The following NELL1 variants were observed in gnomAD, a reference collection of about 807,000 sequenced individuals.
NELL1 encodes protein kinase C-binding protein NELL1.
A neutral mutation model predicts 107.4 loss-of-function variants in NELL1; 76 were observed. That is an observed-to-expected ratio of 0.71 (90% confidence interval 0.59 to 0.86). NELL1 has a LOEUF of 0.86. NELL1 is among the 40% of genes least tolerant of loss of function. The probability of loss-of-function intolerance (pLI) is 0.00; values close to 1 mark genes in which losing one functional copy is unlikely to be tolerated. For missense variants in NELL1, 1,024 were observed against 1,005.5 expected (o/e 1.02, Z -0.25); for synonymous variants, 353 against 341.2 (o/e 1.03, Z -0.38).
intron 5 of NELL1, among the ~76,000 whole-genome samples, chr11:20,888,837 G>A (rs900180053): frequency 1.3e-5 from 2 of 152,186 alleles, no homozygotes; most frequent in Admixed American, 1.3e-4. Context: ...TTGGCTGGCT[G>A]TTGACTCTTG....
intron 14 of NELL1, among the ~76,000 whole-genome samples, chr11:21,357,125 T>C (rs1248352979): frequency 2.0e-5 from 3 of 152,202 alleles, no homozygotes; most frequent in Non-Finnish European, 4.4e-5. Context: ...TGTGCGCAGG[T>C]GTCTTTTTCA....
At chr11:21,520,515 G>A (rs1158739192) in intron 15 of NELL1, among the ~76,000 whole-genome samples, 2 of 152,144 alleles carry the variant, frequency 1.3e-5, no homozygotes, top group Non-Finnish European at 2.9e-5. Flanking sequence ...TATAGGGGTG[G>A]TAATATGATG....
chr11:20,801,850 A>G (rs1343018932), intron 3 of NELL1, among the ~76,000 whole-genome samples: 1 of 152,104 alleles, frequency 6.6e-6, no homozygotes, highest in Non-Finnish European at 1.5e-5. Context: ...TTTCTTTCCC[A>G]AATGCATGTT....
At chr11:20,781,041 A>G (rs1340601807) in intron 2 of NELL1, among the ~76,000 whole-genome samples, 1 of 152,192 alleles carries the variant, frequency 6.6e-6, no homozygotes, top group Non-Finnish European at 1.5e-5. Flanking sequence ...CGTTAACTAC[A>G]GTGTGAAGAA....
chr11:21,274,099 C>G (rs900999088), intron 14 of NELL1, among the ~76,000 whole-genome samples: 16 of 152,204 alleles, frequency 1.1e-4, no homozygotes, highest in African/African-American at 2.9e-4. Flanking sequence ...TTAAAAGACT[C>G]AGACTGGCAA....
intron 2 of NELL1, among the ~76,000 whole-genome samples, chr11:20,685,288 T>G (rs1372536413): frequency 6.6e-6 from 1 of 152,072 alleles, no homozygotes; most frequent in African/African-American, 2.4e-5. Context: ...AACTGTAGTT[T>G]CATCAAATAT....
intron 15 of NELL1, among the ~76,000 whole-genome samples, chr11:21,520,468 G>A (rs1020728739): frequency 2.0e-5 from 3 of 152,098 alleles, no homozygotes; most frequent in Non-Finnish European, 4.4e-5. Flanking sequence ...TGTTTGCCTA[G>A]AACATCTGGA....
At chr11:20,897,503 A>G (rs1332400243) in intron 5 of NELL1, among the ~76,000 whole-genome samples, 2 of 152,226 alleles carry the variant, frequency 1.3e-5, no homozygotes. Context: ...GGACATAGGC[A>G]TGGGCAAGGA....
intron 13 of NELL1, among the ~76,000 whole-genome samples, chr11:21,167,364 T>G (rs11025953): frequency 2.0e-5 from 3 of 151,458 alleles, no homozygotes; most frequent in African/African-American, 7.3e-5. Flanking sequence ...GGGTACTGTT[T>G]TTTTTGGCAA....
At chr11:20,728,538 T>G (rs1191862126) in intron 2 of NELL1, among the ~76,000 whole-genome samples, 1 of 152,122 alleles carries the variant, frequency 6.6e-6, no homozygotes. Context: ...TAGTCAGCTA[T>G]CTCATCATCA....
chr11:21,147,615 C>A (rs981061348), intron 13 of NELL1, among the ~76,000 whole-genome samples: 1 of 151,766 alleles, frequency 6.6e-6, no homozygotes, highest in African/African-American at 2.4e-5. Flanking sequence ...GGTGGATCAC[C>A]TGAGGTCAGG....
chr11:21,560,124 G>T, intron 16 of NELL1, 65 bp from the exon 17 acceptor site: 1 of 1,465,238 alleles, frequency 6.8e-7, no homozygotes, highest in South Asian at 1.1e-5. Context: ...TACTGCAAAT[G>T]ATGGTTGTTT....
intron 15 of NELL1, among the ~76,000 whole-genome samples, chr11:21,425,767 TAA>T (rs912891050): frequency 3.3e-5 from 5 of 152,176 alleles, no homozygotes; most frequent in African/African-American, 4.8e-5. Context: ...AATACAAAGA[TAA>T]AGATATTTTT....
intron 12 of NELL1, among the ~76,000 whole-genome samples, chr11:21,080,655 A>G (rs1339079155): frequency 1.3e-5 from 2 of 152,030 alleles, no homozygotes; most frequent in African/African-American, 2.4e-5. Context: ...ACTTGTACCT[A>G]TCTGTGCACA....
At chr11:21,568,939 A>T (rs543379219) in intron 17 of NELL1, among the ~76,000 whole-genome samples, 1 of 151,786 alleles carries the variant, frequency 6.6e-6, no homozygotes. Context: ...TACTAAATAC[A>T]TAAACCAGTA....
intron 15 of NELL1, among the ~76,000 whole-genome samples, chr11:21,371,821 T>C (rs760430498): frequency 9.9e-5 from 15 of 152,032 alleles, no homozygotes; most frequent in Non-Finnish European, 1.9e-4. Context: ...GGGGGAGGTG[T>C]CTTCATCTGG....
chr11:21,322,896 C>T (rs1018314498), intron 14 of NELL1, among the ~76,000 whole-genome samples: 7 of 152,194 alleles, frequency 4.6e-5, no homozygotes, highest in Admixed American at 2.0e-4. Flanking sequence ...TCCTGCTTTG[C>T]CTCCATGATG....
At chr11:20,871,845 C>T (rs1429666556) in intron 4 of NELL1, among the ~76,000 whole-genome samples, 1 of 151,472 alleles carries the variant, frequency 6.6e-6, no homozygotes. Context: ...TGGTGAAACC[C>T]CGTCTCTACT....
chr11:20,817,971 C>T (rs896325601), intron 3 of NELL1, among the ~76,000 whole-genome samples: 2 of 151,436 alleles, frequency 1.3e-5, no homozygotes, highest in Admixed American at 6.6e-5. Context: ...CACTGTGGTC[C>T]GAGAGTATCA....
Sources: gnomAD v4.1 joint callset for allele counts (sites outside exome capture counted in the v4.1 genomes callset) on GRCh38, gnomAD v4.1.1 for gene constraint, MANE v1.5 for transcripts, NCBI Gene and HGNC (gene_info 2026-07-23, HGNC 2026-07-21) for gene names.